The following ATRNL1 variants were observed in gnomAD, a reference collection of about 807,000 sequenced individuals.
The protein encoded by ATRNL1 is attractin like 1, also known as attractin-like protein 1.
Under a neutral mutation model 182.7 loss-of-function variants are expected in ATRNL1, and 95 were observed. That is an observed-to-expected ratio of 0.52 (90% CI 0.44 to 0.62). The LOEUF (loss-of-function observed/expected upper bound fraction) is 0.62. Among genes scored for constraint, ATRNL1 ranks in the 20% least tolerant of loss-of-function variants. ATRNL1 has a pLI of 0.00. For missense variants in ATRNL1, 1,471 were observed against 1,679.5 expected (o/e 0.88, Z 2.17); for synonymous variants, 576 against 568.3 (o/e 1.01, Z -0.19).
chr10:115,415,984 C>T (rs1845371109), intron 20 of ATRNL1, among the ~76,000 whole-genome samples: 1 of 151,954 alleles, frequency 6.6e-6, no homozygotes, highest in Non-Finnish European at 1.5e-5. Flanking sequence ...TTAGGTCTAC[C>T]TCTCTTCAAA....
intron 28 of ATRNL1, among the ~76,000 whole-genome samples, chr10:115,887,597 A>C (rs1268591718): frequency 1.3e-5 from 2 of 151,750 alleles, no homozygotes; most frequent in Admixed American, 6.6e-5. Flanking sequence ...AGGTTTCACT[A>C]CGTGAATTTA....
At chr10:115,772,435 T>C (rs1008450954) in intron 27 of ATRNL1, among the ~76,000 whole-genome samples, 7 of 152,190 alleles carry the variant, frequency 4.6e-5, no homozygotes, top group African/African-American at 1.7e-4. Flanking sequence ...ATTAGTCTAA[T>C]GGTTAACACC....
chr10:115,927,248 G>C (rs1365349289), intron 28 of ATRNL1, among the ~76,000 whole-genome samples: 2 of 152,040 alleles, frequency 1.3e-5, no homozygotes, highest in African/African-American at 2.4e-5. Context: ...GGTATTGATG[G>C]AACATATCTC....
chr10:115,759,941 T>C (rs1199267337), intron 27 of ATRNL1, among the ~76,000 whole-genome samples: 2 of 149,766 alleles, frequency 1.3e-5, no homozygotes, highest in Admixed American at 1.3e-4. Flanking sequence ...ATCTGCCCAC[T>C]TCAGCCTCCC....
intron 5 of ATRNL1, among the ~76,000 whole-genome samples, chr10:115,152,886 C>G (rs1347439443): frequency 6.6e-6 from 1 of 151,962 alleles, no homozygotes; most frequent in African/African-American, 2.4e-5. Flanking sequence ...TGAGATACAT[C>G]CCATCAATAC....
At chr10:115,438,086 T>C (rs1846489349) in intron 21 of ATRNL1, among the ~76,000 whole-genome samples, 1 of 152,040 alleles carries the variant, frequency 6.6e-6, no homozygotes, top group African/African-American at 2.4e-5. Flanking sequence ...ATTATTAAGC[T>C]GCAGTTTGTT....
intron 17 of ATRNL1, among the ~76,000 whole-genome samples, chr10:115,312,607 A>C (rs1220948007): frequency 6.6e-6 from 1 of 152,122 alleles, no homozygotes; most frequent in Admixed American, 6.6e-5. Context: ...TGTGCAATGA[A>C]TCTCTCAGGA....
At chr10:115,536,012 G>A (rs1242367868) in intron 25 of ATRNL1, among the ~76,000 whole-genome samples, 3 of 151,552 alleles carry the variant, frequency 2.0e-5, no homozygotes, top group African/African-American at 4.9e-5. Flanking sequence ...GTGTCAGTCT[G>A]CCCCTACTGG....
At chr10:115,460,921 A>T (rs565148574) in intron 21 of ATRNL1, among the ~76,000 whole-genome samples, 1 of 152,134 alleles carries the variant, frequency 6.6e-6, no homozygotes, top group Admixed American at 6.6e-5. Context: ...TGAAAATTGG[A>T]ACTATGACCT....
intron 27 of ATRNL1, among the ~76,000 whole-genome samples, chr10:115,817,715 T>A (rs1301822879): frequency 6.6e-6 from 1 of 151,890 alleles, no homozygotes; most frequent in Non-Finnish European, 1.5e-5. Context: ...TTTCATGCGC[T>A]GAATTAACAC....
chr10:115,862,386 T>G (rs1951336314), intron 28 of ATRNL1, among the ~76,000 whole-genome samples: 1 of 152,228 alleles, frequency 6.6e-6, no homozygotes, highest in Admixed American at 6.5e-5. Context: ...TTTGTCAGCT[T>G]CTTAGGTGAC....
chr10:115,379,463 A>G (rs562994872), intron 19 of ATRNL1, among the ~76,000 whole-genome samples: 1 of 152,200 alleles, frequency 6.6e-6, no homozygotes, highest in Non-Finnish European at 1.5e-5. Flanking sequence ...TAATTCTTTT[A>G]AGAAATGTGG....
chr10:115,372,142 G>A (rs1450316561), intron 19 of ATRNL1, among the ~76,000 whole-genome samples: 1 of 152,170 alleles, frequency 6.6e-6, no homozygotes, highest in Non-Finnish European at 1.5e-5. Context: ...TCCCAGTCTT[G>A]AGTATGTCTT....
intron 26 of ATRNL1, among the ~76,000 whole-genome samples, chr10:115,634,840 A>T (rs1555027475): frequency 6.6e-6 from 1 of 152,186 alleles, no homozygotes; most frequent in Admixed American, 6.5e-5. Context: ...CTGATCTGCC[A>T]CCACCTGATA....
chr10:115,209,926 C>A (rs1484082054), intron 8 of ATRNL1, among the ~76,000 whole-genome samples: 1 of 151,868 alleles, frequency 6.6e-6, no homozygotes, highest in Non-Finnish European at 1.5e-5. Context: ...ACTACTATAC[C>A]ACTTATGAAT....
At chr10:115,855,916 A>G (rs1951169582) in intron 28 of ATRNL1, among the ~76,000 whole-genome samples, 1 of 152,208 alleles carries the variant, frequency 6.6e-6, no homozygotes, top group Non-Finnish European at 1.5e-5. Context: ...TTCTGTTTTC[A>G]TGATTTGAAC....
chr10:115,186,207 G>A (rs1268460), intron 8 of ATRNL1, among the ~76,000 whole-genome samples: 51,857 of 151,438 alleles, frequency 0.34, 9,277 homozygotes, highest in African/African-American at 0.44. Context: ...TACAAATGAT[G>A]AGAAACACTG....
intron 26 of ATRNL1, among the ~76,000 whole-genome samples, chr10:115,635,245 CAT>C (rs1858788546): frequency 6.7e-6 from 1 of 150,212 alleles, no homozygotes; most frequent in African/African-American, 2.5e-5. Context: ...ACATAAATCT[CAT>C]ATTCAGAATA....
At chr10:115,927,451 C>T (rs1269979561) in intron 28 of ATRNL1, among the ~76,000 whole-genome samples, 3 of 151,902 alleles carry the variant, frequency 2.0e-5, no homozygotes, top group Non-Finnish European at 4.4e-5. Flanking sequence ...CTTCATAATA[C>T]CAAAAGATTA....
Sources: allele counts gnomAD v4.1 joint callset (sites outside exome capture counted in the v4.1 genomes callset), GRCh38; gene constraint gnomAD v4.1.1; transcripts MANE v1.5; gene names NCBI Gene and HGNC (gene_info 2026-07-23, HGNC 2026-07-21).